Variants in EBPL observed in about 807,000 individuals in gnomAD.
The protein encoded by EBPL is EBP like.
Under a neutral mutation model 19.0 loss-of-function variants are expected in EBPL, and 20 were observed. The observed-to-expected ratio is 1.05, with a 90% CI of 0.74 to 1.53. The LOEUF (loss-of-function observed/expected upper bound fraction) is 1.53, where lower values mean the gene tolerates loss of function less well. Ranked by LOEUF, EBPL falls within the 40% of genes most tolerant of loss-of-function variation. EBPL has a pLI of 0.00. For missense variants in EBPL, 219 were observed against 261.1 expected (o/e 0.84, Z 1.11); for synonymous variants, 107 against 117.0 (o/e 0.91, Z 0.55).
At chr13:49,663,666 G>A (rs530381713) in intron 2 of EBPL, among the ~76,000 whole-genome samples, 3 of 152,266 alleles carry the variant, frequency 2.0e-5, no homozygotes, top group East Asian at 1.9e-4. Context: ...GGCCAGGCAC[G>A]GTGGCTCACA....
intron 1 of EBPL, among the ~76,000 whole-genome samples, chr13:49,690,977 G>T (rs1293913906): frequency 2.0e-5 from 3 of 152,212 alleles, no homozygotes; most frequent in African/African-American, 7.2e-5. Context: ...CGAGGAAGCT[G>T]AGGTATCTTC....
At position 49,691,467 on chromosome 13, in the gene EBPL, AG is replaced by A; in HGVS notation, c.-44del. 7.8e-7 allele frequency: 1 copy of A among 1,285,912 alleles called. No individual in the cohort carries two copies. The highest frequency in any genetic ancestry group is 3.3e-5 in the Admixed American group (1 of 30,386). 79.7% of individuals were successfully genotyped at this position (1,285,912 alleles called of 1,614,324 possible). ...CCAACGGCCCAGGACCATGCGGCAG[AG>A]GAAAGCAGGGAGAGAAACGACGGGG... On this transcript the variant is annotated 5_prime_UTR_variant, in exon 1 of 4. Transcript: ENST00000242827.
At chr13:49,687,896 G>T (rs1954016935) in intron 1 of EBPL, among the ~76,000 whole-genome samples, 1 of 152,152 alleles carries the variant, frequency 6.6e-6, no homozygotes, top group Admixed American at 6.5e-5. Flanking sequence ...ATGAAGATCT[G>T]CTTTGGCCAC....
In EBPL at chr13:49,675,412, T is replaced by C. The variant is rs184539368; in HGVS notation, c.172-5566A>G. ...CAACCATGGTATATTCAGTCCCTTA[T>C]TGACTGAAATGTCCTTATGCAGTGA... On this transcript the variant is annotated intron_variant, in intron 1 of 3. Coordinates refer to ENST00000242827, the MANE Select transcript of EBPL (RefSeq NM_032565.5). 1.4e-4 allele frequency among the ~76,000 whole-genome samples: 22 copies of C among 152,384 alleles called. No individual in the cohort carries two copies. The East Asian group carries it at 3.9e-3, about 27-fold the overall frequency.
intron 1 of EBPL, among the ~76,000 whole-genome samples, chr13:49,676,485 G>C (rs1033724550): frequency 3.3e-5 from 5 of 152,106 alleles, no homozygotes; most frequent in African/African-American, 1.2e-4. Flanking sequence ...CCAGCTGCTG[G>C]GGAGGCTGAG....
chr13:49,686,708 A>G (rs2137512270), intron 1 of EBPL: 1 of 1,044,502 alleles, frequency 9.6e-7, no homozygotes, highest in Non-Finnish European at 1.2e-6. Context: ...ATCTCCCCCA[A>G]CTCAGAAAAG....
Position 49,663,070 on chromosome 13 carries a change from C to A in EBPL, c.367G>T (p.Glu123Ter). 6.2e-7 allele frequency: 1 copy of A among 1,614,008 alleles called. No homozygotes were observed. Among genetic ancestry groups the A allele is most frequent in the Non-Finnish European group, 8.5e-7 (1 of 1,179,996 alleles). The change falls in exon 3 of 4, where the codon GAA becomes TAA. Residue 123 changes from glutamate to a stop codon, truncating the protein, a stop_gained. Coordinates refer to ENST00000242827, the MANE Select transcript of EBPL (RefSeq NM_032565.5). LOFTEE classifies it high-confidence loss of function. Reference sequence around the variant, plus strand: ...AAGGGCACCTACCGGTAATATTTTTCTTTGACTATGGCATAAATGAGGAAC... The same window carrying A: ...AAGGGCACCTACCGGTAATATTTTTATTTGACTATGGCATAAATGAGGAAC... ...ALFLIYAIVK[E>*]KYYRHFLQIT...
intron 1 of EBPL, among the ~76,000 whole-genome samples, chr13:49,688,010 G>C (rs1250406180): frequency 1.3e-5 from 2 of 152,106 alleles, no homozygotes; most frequent in Non-Finnish European, 2.9e-5. Flanking sequence ...TAAACCCTGT[G>C]CTCCTGTCAA....
chr13:49,691,367 C>A lies in EBPL; in HGVS notation c.58G>T (p.Ala20Ser). 2 of 1,363,468 alleles carry A rather than the reference C, an allele frequency of 1.5e-6. No homozygotes were observed. Among genetic ancestry groups the A allele is most frequent in the Non-Finnish European group, 1.9e-6 (2 of 1,055,312 alleles). The allele number at this position is 1,363,468 out of a possible 1,614,324, so 84.5% of individuals were successfully genotyped here. A position where few individuals can be genotyped will look rare whatever the true frequency, so the allele number is the denominator to read the frequency against. ...EAGGSLLLCA[A>S]LLAAGCALGL... ...AGGGCGCAGCCCGCCGCCAGCAGCG[C>A]GGCGCACAGCAGCAGCGAACCGCCA... The change falls in exon 1 of 4, where the codon GCG becomes TCG. Residue 20 changes from alanine to serine, a missense_variant. Ala to Ser is a moderately conservative substitution (Grantham distance 99). Around this residue, in one of 2 missense-constraint regions of EBPL, gnomAD observed 170 missense variants for 167.0 expected, o/e 1.02. Transcript: ENST00000242827.
intron 2 of EBPL, among the ~76,000 whole-genome samples, chr13:49,664,900 AGAGTCATCAGCCTGTCCTTAGCT>A (rs1434303261): frequency 2.0e-5 from 3 of 152,172 alleles, no homozygotes; most frequent in Admixed American, 6.5e-5. Flanking sequence ...GAGGCCACCG[AGAGTCATCAGCCTGTCCTTAGCT>A]GACTGTCTGC....
intron 1 of EBPL, 74 bp from the exon 2 acceptor site, chr13:49,669,920 T>C: frequency 8.5e-7 from 1 of 1,177,266 alleles, no homozygotes; most frequent in Non-Finnish European, 1.3e-6. Context: ...ACACATGGCA[T>C]TGCCTGGCTC....
chr13:49,683,802 T>C (rs894300108), intron 1 of EBPL, among the ~76,000 whole-genome samples: 3 of 152,132 alleles, frequency 2.0e-5, no homozygotes, highest in Non-Finnish European at 2.9e-5. Flanking sequence ...GGATGGCAGT[T>C]TCTACTAAAC....
rs115074862 is a variant in EBPL at position 49,685,358 on chromosome 13, A to G, written c.171+5896T>C. Among the ~76,000 whole-genome samples, 778 of 152,320 alleles carry G rather than the reference A, an allele frequency of 5.1e-3. 11 individuals carry two copies. The highest frequency in any genetic ancestry group is 0.018 in the African/African-American group (750 of 41,556). ...AAGTGGGGAAAGAATGGATTAGTCAATAAATGGGGCTGACAACACTTTCTT... is the reference window on the plus strand; with the variant it reads ...AAGTGGGGAAAGAATGGATTAGTCAGTAAATGGGGCTGACAACACTTTCTT... On this transcript the variant is annotated intron_variant, in intron 1 of 3. Coordinates refer to ENST00000242827, the MANE Select transcript of EBPL (RefSeq NM_032565.5).
rs754049524 is a variant in EBPL, at chr13:49,686,616, G to C, written c.171+4638C>G. ...CTCTCCTAGGATAGATATTTTAAAAGATTCTGCTCTTATTCCTCAGCTCTT... is the reference window on the plus strand; with the variant it reads ...CTCTCCTAGGATAGATATTTTAAAACATTCTGCTCTTATTCCTCAGCTCTT... On this transcript the variant is annotated intron_variant, in intron 1 of 3. Transcript: ENST00000242827. 4 of 1,287,998 alleles carry C rather than the reference G, an allele frequency of 3.1e-6. No homozygotes were observed. In the South Asian group the frequency reaches 5.0e-5, roughly 16 times the overall value. The allele number at this position is 1,287,998 out of a possible 1,614,324, so 79.8% of individuals were successfully genotyped here.
chr13:49,674,067 T>A (rs531482829), intron 1 of EBPL, among the ~76,000 whole-genome samples: 1 of 152,230 alleles, frequency 6.6e-6, no homozygotes, highest in African/African-American at 2.4e-5. Flanking sequence ...TATTATACTA[T>A]AGTTTTACAA....
At chr13:49,669,933 T>TC (rs748683697) in intron 1 of EBPL, 87 bp from the exon 2 acceptor site, 5 of 990,798 alleles carry the variant, frequency 5.0e-6, no homozygotes, top group Middle Eastern at 2.1e-4. Context: ...CCTGGCTCCA[T>TC]CCCCCACCCT....
chr13:49,683,636 G>A (rs575336292), intron 1 of EBPL, among the ~76,000 whole-genome samples: 3 of 152,362 alleles, frequency 2.0e-5, no homozygotes, highest in Non-Finnish European at 2.9e-5. Context: ...TGGCATGTAT[G>A]AGGGTGACAA....
intron 1 of EBPL, among the ~76,000 whole-genome samples, chr13:49,673,033 T>C (rs1953835197): frequency 1.3e-5 from 2 of 151,900 alleles, no homozygotes; most frequent in South Asian, 2.1e-4. Flanking sequence ...CACTCCAACC[T>C]TGGCGACAGA....
chr13:49,689,591 C>T (rs1197931047), intron 1 of EBPL, among the ~76,000 whole-genome samples: 1 of 152,174 alleles, frequency 6.6e-6, no homozygotes, highest in Non-Finnish European at 1.5e-5. Flanking sequence ...TCGTGATCCA[C>T]CCGCCTCAGC....
Sources: gnomAD v4.1 joint callset for allele counts (sites outside exome capture counted in the v4.1 genomes callset) on GRCh38, gnomAD v4.1.1 for gene constraint, gnomAD v4.1.1 regional missense constraint, MANE v1.5 for transcripts, NCBI Gene and HGNC (gene_info 2026-07-23, HGNC 2026-07-21) for gene names.